Variants in GRB10 observed in about 807,000 individuals in gnomAD.
GRB10 encodes growth factor receptor bound protein 10, also known as growth factor receptor-bound protein 10.
Under a neutral mutation model 80.9 loss-of-function variants are expected in GRB10, and 20 were observed. The observed-to-expected ratio is 0.25, with a 90% CI of 0.17 to 0.36. The LOEUF (loss-of-function observed/expected upper bound fraction) is 0.36, where lower values mean the gene tolerates loss of function less well. Among genes scored for constraint, GRB10 ranks in the 10% least tolerant of loss-of-function variants. The pLI is 1.00. For synonymous variants in GRB10, 291 were observed against 291.5 expected, an observed-to-expected ratio of 1.00 and a Z score of 0.02; for missense variants, 548 against 747.7, an observed-to-expected ratio of 0.73 and a Z score of 3.12.
At chr7:50,645,611 A>G in intron 7 of GRB10, 1 of 985,176 alleles carries the variant, frequency 1.0e-6, no homozygotes, top group South Asian at 4.7e-5. Flanking sequence ...CCATCCTCCA[A>G]TCGCCCGGAG....
At chr7:50,646,071 A>G (rs576576916) in intron 7 of GRB10, among the ~76,000 whole-genome samples, 4 of 152,316 alleles carry the variant, frequency 2.6e-5, no homozygotes, top group African/African-American at 4.8e-5. Flanking sequence ...CTATCCATCC[A>G]CAACCCCATT....
At chr7:50,703,729 T>C in intron 5 of GRB10, 92 bp downstream of exon 5, 2 of 865,716 alleles carry the variant, frequency 2.3e-6, no homozygotes, top group Non-Finnish European at 3.9e-6. Context: ...TTGTAATCTA[T>C]TAGTGTCAAG....
chr7:50,766,507 G>C (rs560429056), intron 2 of GRB10, among the ~76,000 whole-genome samples: 15 of 152,016 alleles, frequency 9.9e-5, no homozygotes, highest in Non-Finnish European at 1.9e-4. Flanking sequence ...GCGGGTTAAA[G>C]AAAAAAGGAT....
At chr7:50,724,014 T>C (rs2068180030) in intron 4 of GRB10, among the ~76,000 whole-genome samples, 1 of 151,972 alleles carries the variant, frequency 6.6e-6, no homozygotes, top group African/African-American at 2.4e-5. Flanking sequence ...TAGGGAAGAG[T>C]GGACAACACA....
chr7:50,629,443 G>A (rs561697920), intron 7 of GRB10, among the ~76,000 whole-genome samples: 1 of 152,242 alleles, frequency 6.6e-6, no homozygotes, highest in East Asian at 1.9e-4. Flanking sequence ...GACCCTGAGG[G>A]GGCAAGGCAG....
chr7:50,775,174 CAA>C, intron 2 of GRB10, among the ~76,000 whole-genome samples: 1 of 71,448 alleles, frequency 1.4e-5, no homozygotes, highest in Admixed American at 2.1e-4. Context: ...AAAAAAAAAA[CAA>C]AAAAAAACAG....
At chr7:50,667,879 C>A (rs997064706) in intron 7 of GRB10, among the ~76,000 whole-genome samples, 1 of 152,180 alleles carries the variant, frequency 6.6e-6, no homozygotes, top group African/African-American at 2.4e-5. Context: ...TGGACAATCC[C>A]TGGGGGTGGA....
At chr7:50,606,858 G>A (rs1450410565) in intron 13 of GRB10, 1 of 221,174 alleles carries the variant, frequency 4.5e-6, no homozygotes, top group East Asian at 1.1e-4. Flanking sequence ...TCTGTGTGGT[G>A]TGGAGGGCAA....
chr7:50,758,341 T>C (rs77091051), intron 2 of GRB10, among the ~76,000 whole-genome samples: 4,670 of 152,222 alleles, frequency 0.031, 250 homozygotes, highest in African/African-American at 0.11. Context: ...TCAGGAGAGA[T>C]TTCTTAGGCA....
At chr7:50,779,566 C>T (rs993316903) in intron 2 of GRB10, 2 of 152,152 alleles carry the variant, frequency 1.3e-5, no homozygotes, top group Non-Finnish European at 2.9e-5. Context: ...GAACAGATGA[C>T]GGAGACAGAC....
intron 7 of GRB10, among the ~76,000 whole-genome samples, chr7:50,659,194 C>T (rs1013191953): frequency 4.6e-5 from 7 of 152,108 alleles, no homozygotes; most frequent in Non-Finnish European, 5.9e-5. Flanking sequence ...TAAAATCAAA[C>T]GGGAAATGTA....
intron 2 of GRB10, among the ~76,000 whole-genome samples, chr7:50,759,318 G>C (rs1320478049): frequency 6.6e-6 from 1 of 152,028 alleles, no homozygotes; most frequent in Non-Finnish European, 1.5e-5. Context: ...GAAGATGATA[G>C]AACAGGAGGC....
At chr7:50,787,334 A>C (rs2078737697), upstream of GRB10, among the ~76,000 whole-genome samples, 1 of 152,082 alleles carries the variant, frequency 6.6e-6, no homozygotes, top group South Asian at 2.1e-4. Flanking sequence ...ACCTCTTCAG[A>C]AATATGGAAG....
chr7:50,690,323 A>AC (rs2062659768), intron 5 of GRB10, among the ~76,000 whole-genome samples: 4 of 132,596 alleles, frequency 3.0e-5, no homozygotes, highest in South Asian at 2.1e-4. Context: ...AAACAAACAA[A>AC]AAAAACAGAA....
intron 2 of GRB10, among the ~76,000 whole-genome samples, chr7:50,773,934 T>C (rs893330838): frequency 2.0e-5 from 3 of 152,230 alleles, no homozygotes; most frequent in African/African-American, 4.8e-5. Context: ...CTCAGCTCAC[T>C]GCAAGCTCCG....
intron 7 of GRB10, among the ~76,000 whole-genome samples, chr7:50,660,646 T>A (rs1013145867): frequency 6.6e-6 from 1 of 151,574 alleles, no homozygotes; most frequent in Non-Finnish European, 1.5e-5. Context: ...TACAGGCAGG[T>A]GGCTTCCGTT....
intron 3 of GRB10, among the ~76,000 whole-genome samples, chr7:50,740,138 A>C (rs760212437): frequency 4.3e-4 from 66 of 152,278 alleles, no homozygotes; most frequent in Non-Finnish European, 8.1e-4. Flanking sequence ...TCTACATTGA[A>C]CGTGTGTTTC....
chr7:50,660,655 T>C (rs953605537), intron 7 of GRB10, among the ~76,000 whole-genome samples: 18 of 151,704 alleles, frequency 1.2e-4, no homozygotes, highest in East Asian at 1.9e-4. Flanking sequence ...GTGGCTTCCG[T>C]TGGGAGACAG....
intron 2 of GRB10, among the ~76,000 whole-genome samples, chr7:50,778,034 T>A (rs1003350093): frequency 6.6e-6 from 1 of 152,164 alleles, no homozygotes; most frequent in Non-Finnish European, 1.5e-5. Flanking sequence ...CACGTATACC[T>A]ATGTAGCAAA....
Sources: gnomAD v4.1 joint callset for allele counts (sites outside exome capture counted in the v4.1 genomes callset) on GRCh38, gnomAD v4.1.1 for gene constraint, MANE v1.5 for transcripts, NCBI Gene and HGNC (gene_info 2026-07-23, HGNC 2026-07-21) for gene names.